Variants in RP1 observed in about 807,000 individuals in gnomAD.
RP1 encodes RP1 axonemal microtubule associated, also known as oxygen-regulated protein 1.
RP1 carries 16 observed loss-of-function variants against 14.8 expected under a neutral mutation model. The ratio of observed to expected loss-of-function variants is 1.08; its 90% CI spans 0.73 to 1.65. The LOEUF (loss-of-function observed/expected upper bound fraction) is 1.65, where lower values mean the gene tolerates loss of function less well. Among genes scored for constraint, RP1 ranks in the 40% most tolerant of loss-of-function variants. The pLI is 0.00. For missense variants in RP1, 2,631 were observed against 2,535.0 expected (o/e 1.04, Z -0.81); for synonymous variants, 876 against 883.6 (o/e 0.99, Z 0.15).
chr8:54,664,414 G>C (rs1028278891), intron 7 of RP1, among the ~76,000 whole-genome samples: 9 of 152,120 alleles, frequency 5.9e-5, no homozygotes, highest in Non-Finnish European at 1.3e-4. Flanking sequence ...GACATATTTA[G>C]AAGTGGGATT....
At chr8:54,594,813 C>A (rs74497291) in intron 1 of RP1, among the ~76,000 whole-genome samples, 520 of 152,162 alleles carry the variant, frequency 3.4e-3, no homozygotes, top group African/African-American at 0.012. Flanking sequence ...AATCAGAACT[C>A]AGAAATTTCC....
chr8:54,587,639 T>C (rs917294668), intron 1 of RP1, among the ~76,000 whole-genome samples: 2 of 152,166 alleles, frequency 1.3e-5, no homozygotes, highest in African/African-American at 4.8e-5. Flanking sequence ...GGTGACCATT[T>C]CTGAAGGTTT....
chr8:54,626,390 G>A lies in RP1; in HGVS notation c.2508G>A (p.Pro836=), dbSNP rs763905641. The change falls in exon 4 of 4, where the codon CCG becomes CCA. Residue 836 remains proline, a synonymous_variant. Transcript: ENST00000220676. ...AAAAACCCAAAGATTTTTATGCACC[G>A]CAATCTCAAGCAGAAGTGGCATCTG... ...LEQKPKDFYA[P]QSQAEVASGY... is the part of the protein sequence containing the mutation. The A allele has an allele frequency of 4.8e-5, 78 of 1,613,076 alleles. No homozygotes were observed. The highest frequency in any genetic ancestry group is 8.0e-5 in the African/African-American group (6 of 74,688).
intron 1 of RP1, among the ~76,000 whole-genome samples, chr8:54,605,589 A>G (rs1461962343): frequency 5.3e-5 from 8 of 152,020 alleles, no homozygotes; most frequent in Non-Finnish European, 8.8e-5. Context: ...GTTCCTGGAT[A>G]TCCTTGTTAA....
At chr8:54,730,200 C>T (rs11991594) in intron 17 of RP1, among the ~76,000 whole-genome samples, 7,976 of 151,950 alleles carry the variant, frequency 0.052, 648 homozygotes, top group African/African-American at 0.18. Context: ...TTCTTTTGGC[C>T]TATAAAAAAG....
intron 1 of RP1, among the ~76,000 whole-genome samples, chr8:54,618,062 C>T (rs1029698160): frequency 3.9e-5 from 6 of 152,206 alleles, no homozygotes; most frequent in Non-Finnish European, 8.8e-5. Context: ...GAGATTCTCT[C>T]ACACATATGA....
chr8:54,610,008 A>G (rs915200860), intron 1 of RP1, among the ~76,000 whole-genome samples: 1 of 152,182 alleles, frequency 6.6e-6, no homozygotes, highest in South Asian at 2.1e-4. Context: ...AAAGAAAACT[A>G]GCAAAAAATT....
chr8:54,810,529 A>G (rs1340467425), intron 24 of RP1, among the ~76,000 whole-genome samples: 2 of 152,176 alleles, frequency 1.3e-5, no homozygotes, highest in Admixed American at 6.5e-5. Flanking sequence ...CATATATTGA[A>G]TTATTTTTTT....
chr8:54,627,414 G>A lies in RP1; in HGVS notation c.3532G>A (p.Asp1178Asn), dbSNP rs147384119. The change falls in exon 4 of 4, where the codon GAC becomes AAC. Residue 1178 changes from aspartate (D) to asparagine (N), a missense_variant. Asp to Asn is a conservative substitution (Grantham distance 23). Transcript: ENST00000220676. ...CATAGCTATCACAGAGGAAGCTGAT[G>A]ACTTGAAAGCTGCTGTTGCCAATTT... is the stretch of plus-strand genomic sequence containing the variant. The part of the protein sequence containing the change: ...KHIAITEEAD[D>N]LKAAVANLVE... 1 of 1,614,012 alleles carries A rather than the reference G, an allele frequency of 6.2e-7. No individual in the cohort carries two copies. Among genetic ancestry groups the A allele is most frequent in the African/African-American group, 1.3e-5 (1 of 74,942 alleles).
chr8:54,619,227 T>C (rs1805798890), intron 1 of RP1, among the ~76,000 whole-genome samples: 1 of 152,216 alleles, frequency 6.6e-6, no homozygotes, highest in African/African-American at 2.4e-5. Context: ...TCTAGGCTGA[T>C]CTTCAAATGT....
In RP1 at chr8:54,739,664, A is replaced by C. The variant is rs1809022965; in HGVS notation, c.2808+635A>C. Among the ~76,000 whole-genome samples, 4 of 151,510 alleles carry C rather than the reference A, an allele frequency of 2.6e-5. No homozygotes were observed. In the South Asian group the frequency reaches 8.4e-4, roughly 32 times the overall value. On this transcript the variant is annotated intron_variant, in intron 19 of 22. Transcript: ENST00000636932. ...TATCTTTTTTCTATGAATCTCTTTC[A>C]TGGTTCCTTGCAGACTCGTGTGCTT...
chr8:54,739,318 A>G (rs1809011085), intron 19 of RP1, among the ~76,000 whole-genome samples: 2 of 152,178 alleles, frequency 1.3e-5, no homozygotes, highest in African/African-American at 2.4e-5. Flanking sequence ...GTAACCCATC[A>G]TGGGTCATAC....
intron 24 of RP1, among the ~76,000 whole-genome samples, chr8:54,802,036 T>C (rs1810720925): frequency 6.6e-6 from 1 of 152,186 alleles, no homozygotes; most frequent in African/African-American, 2.4e-5. Context: ...TTTATAGAAT[T>C]GTAGTCACTA....
At chr8:54,713,763 T>C (rs1808342090) in intron 15 of RP1, among the ~76,000 whole-genome samples, 1 of 152,228 alleles carries the variant, frequency 6.6e-6, no homozygotes, top group South Asian at 2.1e-4. Flanking sequence ...TTATAAATCG[T>C]GTTTTACCTA....
intron 15 of RP1, among the ~76,000 whole-genome samples, chr8:54,708,205 T>C (rs1808196714): frequency 3.3e-5 from 5 of 152,172 alleles, no homozygotes; most frequent in Admixed American, 3.3e-4. Flanking sequence ...GCAGAGTTTC[T>C]AGAGGCACAG....
intron 22 of RP1, among the ~76,000 whole-genome samples, chr8:54,761,383 T>C (rs1809637344): frequency 6.6e-6 from 1 of 151,940 alleles, no homozygotes; most frequent in Non-Finnish European, 1.5e-5. Context: ...ATTACAGGCA[T>C]GTACCACCAT....
chr8:54,747,137 T>C (rs1563364703), intron 19 of RP1, among the ~76,000 whole-genome samples: 1 of 152,198 alleles, frequency 6.6e-6, no homozygotes. Flanking sequence ...TTCTCTCTGC[T>C]GTAAAGATCT....
In RP1 at chr8:54,621,444, A is replaced by G. The variant is rs759922849; in HGVS notation, c.478A>G (p.Arg160Gly). 6.2e-7 allele frequency: 1 copy of G among 1,613,716 alleles called. No individual in the cohort carries two copies. Among genetic ancestry groups the G allele is most frequent in the Non-Finnish European group, 8.5e-7 (1 of 1,179,974 alleles). The change falls in exon 2 of 4, where the codon AGG (arginine) becomes GGG (glycine). Residue 160 changes from arginine (R) to glycine (G), a missense_variant. Physicochemically the swap from Arg to Gly is moderately radical, Grantham distance 125 (BLOSUM62 -2). Coordinates refer to ENST00000220676, the MANE Select transcript of RP1 (RefSeq NM_006269.2). ...CCCCCCACGGAGCCTAGTGGTCTTCAGGAATGGCGACCCGAAGACGAGGCG... is the reference window on the plus strand; with the variant it reads ...CCCCCCACGGAGCCTAGTGGTCTTCGGGAATGGCGACCCGAAGACGAGGCG... ...PRPPRSLVVF[R>G]NGDPKTRRAV... is the part of the protein sequence containing the mutation.
chr8:54,722,274 T>TGTGTG (rs564438127), intron 16 of RP1, among the ~76,000 whole-genome samples: 4 of 143,718 alleles, frequency 2.8e-5, no homozygotes, highest in Admixed American at 6.9e-5. Flanking sequence ...GTTTTTTTTT[T>TGTGTG]TGTGTGTGTG....
Sources: gnomAD v4.1 joint callset for allele counts (sites outside exome capture counted in the v4.1 genomes callset) on GRCh38, gnomAD v4.1.1 for gene constraint, MANE v1.5 for transcripts, NCBI Gene and HGNC (gene_info 2026-07-23, HGNC 2026-07-21) for gene names.